Variants in MAN2A1 observed in about 807,000 individuals in gnomAD.
MAN2A1 encodes alpha-mannosidase 2.
In MAN2A1, 76 loss-of-function variants were observed where a neutral mutation model predicts 142.6. The observed-to-expected ratio is 0.53, with a 90% confidence interval of 0.44 to 0.65. The LOEUF is 0.65. Ranked by LOEUF, MAN2A1 falls within the 30% of genes least tolerant of loss-of-function variation. The pLI, the probability that MAN2A1 is intolerant of heterozygous loss-of-function variation, is 0.00. For missense variants in MAN2A1, 1,311 were observed against 1,365.1 expected (o/e 0.96, Z 0.62); for synonymous variants, 559 against 473.2 (o/e 1.18, Z -2.35).
chr5:109,862,839 C>T (rs1228626261), intron 20 of MAN2A1: 2 of 151,994 alleles, frequency 1.3e-5, no homozygotes, highest in Admixed American at 6.6e-5. Context: ...TATTTCAGTT[C>T]GTTTTTACAA....
At position 109,868,267 on chromosome 5, in the gene MAN2A1, G is replaced by T. The variant is rs922504025; in HGVS notation, c.*1269G>T. The T allele has an allele frequency of 3.3e-5, 5 of 152,150 alleles. No individual in the cohort carries two copies. The highest frequency in any genetic ancestry group is 7.4e-5 in the Non-Finnish European group (5 of 68,014). The allele number at this position is 152,150 out of a possible 1,614,324, so 9.4% of individuals were successfully genotyped here. On this transcript the variant is annotated 3_prime_UTR_variant, in exon 22 of 22. Transcript: ENST00000261483. ...GTTTATCTTACTAAGGAATATGTTT[G>T]TTCATTCAGTTCTCAACTTTTGTAT...
At chr5:109,735,632 A>T (rs531679914) in intron 4 of MAN2A1, among the ~76,000 whole-genome samples, 1 of 152,082 alleles carries the variant, frequency 6.6e-6, no homozygotes, top group Non-Finnish European at 1.5e-5. Flanking sequence ...TGTTGCTCAC[A>T]CTGGGAGCTG....
At chr5:109,858,699 A>C (rs1755683555) in intron 20 of MAN2A1, among the ~76,000 whole-genome samples, 2 of 152,230 alleles carry the variant, frequency 1.3e-5, no homozygotes, top group Non-Finnish European at 1.5e-5. Context: ...ATGTGTCTGA[A>C]GGCCACCTTA....
At chr5:109,817,896 A>C (rs1204153427) in intron 13 of MAN2A1, among the ~76,000 whole-genome samples, 2 of 152,136 alleles carry the variant, frequency 1.3e-5, no homozygotes, top group Non-Finnish European at 2.9e-5. Context: ...AAATGCCCTA[A>C]AATAATTAAG....
chr5:109,769,836 A>T (rs866063893), intron 6 of MAN2A1, among the ~76,000 whole-genome samples: 1 of 152,152 alleles, frequency 6.6e-6, no homozygotes, highest in South Asian at 2.1e-4. Context: ...TCACCATAAG[A>T]GGAAATTTTC....
intron 12 of MAN2A1, among the ~76,000 whole-genome samples, chr5:109,811,084 C>A (rs968730655): frequency 6.6e-6 from 1 of 151,272 alleles, no homozygotes; most frequent in Non-Finnish European, 1.5e-5. Context: ...CCTTTTACTT[C>A]ATTGTATTTT....
In MAN2A1 at chr5:109,820,313, T is replaced by C; in HGVS notation, c.2422T>C (p.Tyr808His). 6.2e-7 allele frequency: 1 copy of C among 1,613,012 alleles called. No individual in the cohort carries two copies. Among genetic ancestry groups the C allele is most frequent in the Non-Finnish European group, 8.5e-7 (1 of 1,179,284 alleles). The change falls in exon 15 of 22, where the codon TAC becomes CAC. Residue 808 changes from tyrosine (Y) to histidine (H), a missense_variant. Tyr to His is a moderately conservative substitution (Grantham distance 83). This residue lies in a region of MAN2A1 where 890 missense variants were observed against 920.5 expected (regional missense o/e 0.97). Transcript: ENST00000261483. Reference protein sequence around the residue: ...TTIKRDKSGAYLFLPDGNAKP... With the variant: ...TTIKRDKSGAHLFLPDGNAKP... Reference sequence around the variant, plus strand: ...AATTAAAAGAGACAAAAGTGGTGCCTACCTCTTCTTACCTGATGGTAATGC... The same window carrying C: ...AATTAAAAGAGACAAAAGTGGTGCCCACCTCTTCTTACCTGATGGTAATGC...
At chr5:109,798,447 G>A (rs542877946) in intron 12 of MAN2A1, among the ~76,000 whole-genome samples, 10 of 152,130 alleles carry the variant, frequency 6.6e-5, no homozygotes, top group Admixed American at 2.0e-4. Flanking sequence ...CCATTTCACC[G>A]TGTTTAAAAC....
intron 1 of MAN2A1, among the ~76,000 whole-genome samples, chr5:109,693,182 T>C (rs1056334018): frequency 3.0e-5 from 4 of 134,198 alleles, no homozygotes; most frequent in African/African-American, 1.0e-4. Flanking sequence ...GCTAGAGATT[T>C]ATACCCTTCC....
chr5:109,798,969 G>A (rs770321011), intron 12 of MAN2A1, among the ~76,000 whole-genome samples: 1 of 152,134 alleles, frequency 6.6e-6, no homozygotes, highest in Non-Finnish European at 1.5e-5. Context: ...TGGGATTACA[G>A]GTGTGAGCCA....
intron 4 of MAN2A1, among the ~76,000 whole-genome samples, chr5:109,755,063 T>A (rs146768824): frequency 8.5e-5 from 13 of 152,274 alleles, no homozygotes; most frequent in African/African-American, 3.1e-4. Flanking sequence ...TTTGAGGCTG[T>A]ATGGGAGTTT....
chr5:109,829,959 T>C (rs1232285623), intron 16 of MAN2A1, among the ~76,000 whole-genome samples: 1 of 152,210 alleles, frequency 6.6e-6, no homozygotes, highest in Admixed American at 6.5e-5. Context: ...CTCCATAAAC[T>C]TTTCATAAAG....
At chr5:109,857,511 A>G (rs974567427) in intron 20 of MAN2A1, among the ~76,000 whole-genome samples, 2 of 152,162 alleles carry the variant, frequency 1.3e-5, no homozygotes, top group Non-Finnish European at 2.9e-5. Context: ...GGCGGTCACC[A>G]TCCCTTAGCC....
At chr5:109,798,425 C>T (rs1241504096) in intron 12 of MAN2A1, among the ~76,000 whole-genome samples, 1 of 152,164 alleles carries the variant, frequency 6.6e-6, no homozygotes, top group African/African-American at 2.4e-5. Flanking sequence ...TTGGGATGGC[C>T]CATTAGCAGC....
intron 6 of MAN2A1, 106 bp from the exon 7 acceptor site, chr5:109,770,249 A>T: frequency 3.3e-5 from 33 of 1,014,538 alleles, no homozygotes; most frequent in Middle Eastern, 5.0e-4. Context: ...CTGATTTAGC[A>T]CAGAGCTAAA....
chr5:109,745,362 C>T (rs1752373107), intron 4 of MAN2A1, among the ~76,000 whole-genome samples: 1 of 152,026 alleles, frequency 6.6e-6, no homozygotes, highest in Non-Finnish European at 1.5e-5. Flanking sequence ...GAAAGATGCT[C>T]ATGGTATAAT....
At chr5:109,761,987 G>A (rs143934584) in intron 5 of MAN2A1, among the ~76,000 whole-genome samples, 9 of 152,178 alleles carry the variant, frequency 5.9e-5, no homozygotes, top group Admixed American at 2.0e-4. Flanking sequence ...TGCAGTCAGT[G>A]TGGGAAAATA....
intron 4 of MAN2A1, among the ~76,000 whole-genome samples, chr5:109,732,759 A>C (rs1340265056): frequency 1.3e-5 from 2 of 152,126 alleles, no homozygotes; most frequent in African/African-American, 4.8e-5. Flanking sequence ...TGTTTTGGTT[A>C]CTGTAGCCTT....
chr5:109,792,798 T>C (rs1351151961), intron 12 of MAN2A1, among the ~76,000 whole-genome samples: 2 of 151,872 alleles, frequency 1.3e-5, no homozygotes, highest in Non-Finnish European at 2.9e-5. Flanking sequence ...TGGCTGAGGG[T>C]TCAGTTGGAG....
Sources: gnomAD v4.1 joint callset for allele counts (sites outside exome capture counted in the v4.1 genomes callset) on GRCh38, gnomAD v4.1.1 for gene constraint, gnomAD v4.1.1 regional missense constraint, MANE v1.5 for transcripts, NCBI Gene and HGNC (gene_info 2026-07-23, HGNC 2026-07-21) for gene names.